The following KCTD16 variants were observed in gnomAD, a reference collection of about 807,000 sequenced individuals.
The protein encoded by KCTD16 is BTB/POZ domain-containing protein KCTD16.
A neutral mutation model predicts 33.2 loss-of-function variants in KCTD16; 13 were observed. The observed-to-expected ratio is 0.39, with a 90% CI of 0.25 to 0.62. The LOEUF (loss-of-function observed/expected upper bound fraction) is 0.62. KCTD16 is among the 20% of genes least tolerant of loss of function. The probability of loss-of-function intolerance (pLI) is 0.50; values close to 1 mark genes in which losing one functional copy is unlikely to be tolerated. For missense variants in KCTD16, 441 were observed against 525.1 expected, an observed-to-expected ratio of 0.84 and a Z score of 1.57; for synonymous variants, 197 against 195.3, an observed-to-expected ratio of 1.01 and a Z score of -0.07.
At chr5:144,213,267 T>C (rs1232794101) in intron 3 of KCTD16, among the ~76,000 whole-genome samples, 1 of 152,100 alleles carries the variant, frequency 6.6e-6, no homozygotes, top group Non-Finnish European at 1.5e-5. Context: ...ATATAACTTA[T>C]ATGCAACAAA....
In KCTD16 at chr5:144,199,707, ATTTTTTTTTTTTTTTT is replaced by A. The variant is rs574670606; in HGVS notation, c.-326-6669_-326-6654del. Among the ~76,000 whole-genome samples the A allele has an allele frequency of 2.1e-3, 139 of 67,724 alleles. 1 individual carries two copies. Among genetic ancestry groups the A allele is most frequent in the African/African-American group, 7.8e-3 (130 of 16,634 alleles). 44.4% of individuals were successfully genotyped at this position (67,724 alleles called of 152,430 possible). On this transcript the variant is annotated intron_variant, in intron 2 of 3. Coordinates refer to ENST00000512467, the MANE Select transcript of KCTD16 (RefSeq NM_020768.4). ...TGACCATTTGTTCCAGAACAGCTTC[ATTTTTTTTTTTTTTTT>A]TTTTTTTTTTTTGAGACAGAGTCTC...
intron 3 of KCTD16, among the ~76,000 whole-genome samples, chr5:144,225,937 T>C (rs1036560533): frequency 4.6e-5 from 7 of 152,208 alleles, no homozygotes; most frequent in Non-Finnish European, 1.0e-4. Flanking sequence ...ACCAAAAAAC[T>C]AGAAAGAAAA....
Position 144,408,168 on chromosome 5 carries a change from C to T in KCTD16, c.833-65492C>T, listed in dbSNP as rs539276537. Among the ~76,000 whole-genome samples the T allele has an allele frequency of 3.5e-4, 54 of 152,248 alleles. 1 individual carries two copies. The South Asian group carries it at 8.3e-3, about 23-fold the overall frequency. Reference sequence around the variant, plus strand: ...AAATTGACTGCATATTTTTAAGAGACGTTATTAAGATCTCAATTACTTTCT... The same window carrying T: ...AAATTGACTGCATATTTTTAAGAGATGTTATTAAGATCTCAATTACTTTCT... On this transcript the variant is annotated intron_variant, in intron 3 of 3. Transcript: ENST00000512467.
intron 3 of KCTD16, among the ~76,000 whole-genome samples, chr5:144,465,204 T>G (rs1754299894): frequency 7.8e-6 from 1 of 128,378 alleles, no homozygotes; most frequent in Non-Finnish European, 1.6e-5. Context: ...TCTCTCACTC[T>G]CTCTCTCTCT....
rs542414499 is a variant in KCTD16, at chr5:144,376,576, G to C, written c.833-97084G>C. ...TTTTGGTTCAAATAAGGGAAAGGACGGGGTGAGAAAAATTAAAGACTGATT... is the reference window on the plus strand; with the variant it reads ...TTTTGGTTCAAATAAGGGAAAGGACCGGGTGAGAAAAATTAAAGACTGATT... On this transcript the variant is annotated intron_variant, in intron 3 of 3. Coordinates refer to ENST00000512467, the MANE Select transcript of KCTD16 (RefSeq NM_020768.4). 2.6e-5 allele frequency among the ~76,000 whole-genome samples: 4 copies of C among 152,216 alleles called. No individual in the cohort carries two copies. The South Asian group carries it at 8.3e-4, about 32-fold the overall frequency.
chr5:144,449,603 C>T (rs1580974045), intron 3 of KCTD16, among the ~76,000 whole-genome samples: 1 of 151,738 alleles, frequency 6.6e-6, no homozygotes, highest in East Asian at 1.9e-4. Context: ...TGTTACAGAG[C>T]TATGGTAATT....
intron 3 of KCTD16, among the ~76,000 whole-genome samples, chr5:144,291,225 G>A (rs1375496540): frequency 6.6e-6 from 1 of 152,144 alleles, no homozygotes; most frequent in Admixed American, 6.5e-5. Flanking sequence ...TATGTCCACA[G>A]TATCTGGTTG....
At chr5:144,195,462 C>T (rs1561525031) in intron 2 of KCTD16, among the ~76,000 whole-genome samples, 2 of 152,176 alleles carry the variant, frequency 1.3e-5, no homozygotes. Flanking sequence ...ATCTCCAGCA[C>T]CGTTGCTTGG....
At chr5:144,259,419 T>C (rs1754945118) in intron 3 of KCTD16, among the ~76,000 whole-genome samples, 1 of 152,004 alleles carries the variant, frequency 6.6e-6, no homozygotes, top group Non-Finnish European at 1.5e-5. Context: ...CAATAGGCCT[T>C]GCAGGATTTT....
chr5:144,352,307 G>A (rs1205525275), intron 3 of KCTD16, among the ~76,000 whole-genome samples: 1 of 152,190 alleles, frequency 6.6e-6, no homozygotes, highest in Non-Finnish European at 1.5e-5. Context: ...AATAAGGGCA[G>A]ACATATGAAG....
chr5:144,391,529 G>T (rs1752448642), intron 3 of KCTD16, among the ~76,000 whole-genome samples: 1 of 152,174 alleles, frequency 6.6e-6, no homozygotes, highest in Non-Finnish European at 1.5e-5. Context: ...CAAGAGACAG[G>T]ATGGTTTGTG....
chr5:144,310,335 A>C (rs1463455519), intron 3 of KCTD16, among the ~76,000 whole-genome samples: 2 of 152,076 alleles, frequency 1.3e-5, no homozygotes, highest in African/African-American at 4.8e-5. Context: ...TATTTTTGCT[A>C]TTGTGAATAG....
chr5:144,237,022 C>T (rs1384049324), intron 3 of KCTD16, among the ~76,000 whole-genome samples: 1 of 151,994 alleles, frequency 6.6e-6, no homozygotes, highest in Non-Finnish European at 1.5e-5. Context: ...TGGACAGGTA[C>T]CAGTGATTAG....
chr5:144,344,027 C>T (rs536174594), intron 3 of KCTD16, among the ~76,000 whole-genome samples: 3,909 of 152,152 alleles, frequency 0.026, 81 homozygotes, highest in Non-Finnish European at 0.04. Flanking sequence ...ATCAATGGAA[C>T]AGAACAGAGC....
chr5:144,194,286 T>C (rs892067155), intron 2 of KCTD16, among the ~76,000 whole-genome samples: 12 of 152,248 alleles, frequency 7.9e-5, no homozygotes, highest in Non-Finnish European at 1.5e-4. Flanking sequence ...ATGGTGACAC[T>C]GATAACTTGT....
At chr5:144,465,458 C>T (rs1042451821) in intron 3 of KCTD16, among the ~76,000 whole-genome samples, 1 of 152,080 alleles carries the variant, frequency 6.6e-6, no homozygotes. Flanking sequence ...ACCTGACACC[C>T]TTTCTTTCTC....
chr5:144,372,388 G>A (rs531640568), intron 3 of KCTD16, among the ~76,000 whole-genome samples: 4 of 152,158 alleles, frequency 2.6e-5, no homozygotes, highest in African/African-American at 7.2e-5. Flanking sequence ...GCCTATTTAT[G>A]CCAGTCACTG....
chr5:144,221,073 C>T (rs1753734380), intron 3 of KCTD16, among the ~76,000 whole-genome samples: 1 of 152,136 alleles, frequency 6.6e-6, no homozygotes, highest in South Asian at 2.1e-4. Flanking sequence ...TTAGGTACCT[C>T]CGTTGTATGA....
chr5:144,293,038 C>T (rs569595516), intron 3 of KCTD16, among the ~76,000 whole-genome samples: 1 of 152,316 alleles, frequency 6.6e-6, no homozygotes, highest in East Asian at 1.9e-4. Flanking sequence ...CAAATTGTTA[C>T]TTAATTCATG....
Sources: gnomAD v4.1 joint callset for allele counts (sites outside exome capture counted in the v4.1 genomes callset) on GRCh38, gnomAD v4.1.1 for gene constraint, MANE v1.5 for transcripts, NCBI Gene and HGNC (gene_info 2026-07-23, HGNC 2026-07-21) for gene names.